ZFYVE26: variants seen among roughly 807,000 people sequenced by gnomAD.
ZFYVE26 encodes zinc finger FYVE domain-containing protein 26.
ZFYVE26 carries 181 observed loss-of-function variants against 276.5 expected under a neutral mutation model. That is an observed-to-expected ratio of 0.65 (90% CI 0.58 to 0.74). ZFYVE26 has a LOEUF of 0.74. Among genes scored for constraint, ZFYVE26 ranks in the 30% least tolerant of loss-of-function variants. The probability of loss-of-function intolerance (pLI) is 0.00; values close to 1 mark genes in which losing one functional copy is unlikely to be tolerated. For synonymous variants in ZFYVE26, 1,129 were observed against 1,203.1 expected (o/e 0.94, Z 1.27); for missense variants, 2,821 against 3,097.9 (o/e 0.91, Z 2.12).
intron 2 of ZFYVE26, 83 bp downstream of exon 2, chr14:67,815,687 T>TG: frequency 7.4e-7 from 1 of 1,347,664 alleles, no homozygotes; most frequent in South Asian, 1.2e-5. Context: ...GGTAGTTGAG[T>TG]GGGGGCACAT....
At chr14:67,789,033 G>A (rs1287180663) in intron 16 of ZFYVE26, among the ~76,000 whole-genome samples, 1 of 152,206 alleles carries the variant, frequency 6.6e-6, no homozygotes, top group Non-Finnish European at 1.5e-5. Flanking sequence ...TAGGTTAAGT[G>A]AAGTTCACCA....
intron 13 of ZFYVE26, among the ~76,000 whole-genome samples, chr14:67,738,446 G>A (rs1383825162): frequency 6.7e-6 from 1 of 148,866 alleles, no homozygotes; most frequent in Non-Finnish European, 1.5e-5. Flanking sequence ...ATCTCTGTAT[G>A]ATTATATGAT....
At chr14:67,773,571 A>ACACACACACC (rs752443262) in intron 27 of ZFYVE26, among the ~76,000 whole-genome samples, 32 of 146,694 alleles carry the variant, frequency 2.2e-4, no homozygotes, top group South Asian at 8.8e-4. Context: ...ACACACACAC[A>ACACACACACC]CCCCAAAGCT....
Position 67,775,969 on chromosome 14 carries a change from CA to C in ZFYVE26, c.5111del (p.Leu1704ArgfsTer40), listed in dbSNP as rs2140212384. 8 of 1,614,224 alleles carry C rather than the reference CA, an allele frequency of 5.0e-6. No homozygotes were observed. The highest frequency in any genetic ancestry group is 6.8e-6 in the Non-Finnish European group (8 of 1,180,046). On this transcript the variant is annotated frameshift_variant, in exon 26 of 42. Coordinates refer to ENST00000347230, the MANE Select transcript of ZFYVE26 (RefSeq NM_015346.4). LOFTEE classifies it high-confidence loss of function. ...ATVAVQTLQQ[L>X]LVGQEIGFTM... ...TGAAGCCAATCTCCTGTCCAACCAGCAGCTGCTGGAGAGTCTGCACAGCCAC... is the reference window on the plus strand; with the variant it reads ...TGAAGCCAATCTCCTGTCCAACCAGCGCTGCTGGAGAGTCTGCACAGCCAC...
intron 13 of ZFYVE26, among the ~76,000 whole-genome samples, chr14:67,737,088 C>CT (rs71129855): frequency 0.12 from 12,958 of 104,610 alleles, 966 homozygotes; most frequent in East Asian, 0.34. Flanking sequence ...TTTTTCTTTT[C>CT]TTTTTTTTTT....
chr14:67,804,809 C>T (rs888759487), intron 8 of ZFYVE26, among the ~76,000 whole-genome samples: 2 of 152,158 alleles, frequency 1.3e-5, no homozygotes, highest in Non-Finnish European at 2.9e-5. Context: ...AGCTGTGTGA[C>T]TTTGGACAAG....
rs2038947822 is a variant in ZFYVE26, at chr14:67,762,146, A to T, written c.6369+57T>A. 9 of 1,555,640 alleles carry T rather than the reference A, an allele frequency of 5.8e-6. 1 individual carries two copies. The South Asian group carries it at 8.9e-5, about 15-fold the overall frequency. Reference sequence around the variant, plus strand: ...TTTCCACTGATTCTTTTCCCAGGTCATTGCTATTCCTGGGTCTCCCTCCCT... The same window carrying T: ...TTTCCACTGATTCTTTTCCCAGGTCTTTGCTATTCCTGGGTCTCCCTCCCT... On this transcript the variant is annotated intron_variant, in intron 34 of 41. Coordinates refer to ENST00000347230, the MANE Select transcript of ZFYVE26 (RefSeq NM_015346.4).
chr14:67,799,573 A>AG (rs2140244655), intron 10 of ZFYVE26: 1 of 1,514,930 alleles, frequency 6.6e-7, no homozygotes, highest in African/African-American at 1.4e-5. Context: ...CCAAAGGAGG[A>AG]GGGAAAAAAT....
intron 27 of ZFYVE26, among the ~76,000 whole-genome samples, chr14:67,772,697 G>A (rs1316178983): frequency 1.3e-5 from 2 of 152,232 alleles, no homozygotes; most frequent in Admixed American, 6.5e-5. Context: ...CACTTTGGGA[G>A]GGTGAGGCAG....
At chr14:67,810,035 C>T (rs542089466) in intron 3 of ZFYVE26, among the ~76,000 whole-genome samples, 78 of 152,198 alleles carry the variant, frequency 5.1e-4, no homozygotes, top group Admixed American at 5.0e-3. Context: ...CCGCCTGCCT[C>T]GGCCTTCCAA....
intron 13 of ZFYVE26, among the ~76,000 whole-genome samples, chr14:67,731,546 C>T (rs1357530416): frequency 2.6e-5 from 4 of 151,892 alleles, no homozygotes; most frequent in Non-Finnish European, 4.4e-5. Flanking sequence ...ACAGTTGCTA[C>T]TCTAGAGTCT....
intron 13 of ZFYVE26, among the ~76,000 whole-genome samples, chr14:67,732,429 CAA>C (rs11310522): frequency 4.4e-3 from 559 of 126,428 alleles, no homozygotes; most frequent in Middle Eastern, 0.019. Context: ...GACCCTATCT[CAA>C]AAAAAAAAAA....
At chr14:67,745,888 C>T (rs1348069376), downstream of ZFYVE26, among the ~76,000 whole-genome samples, 3 of 109,866 alleles carry the variant, frequency 2.7e-5, no homozygotes, top group South Asian at 2.8e-4. Context: ...ATTAGCCAGG[C>T]GACTGCACTC....
intron 39 of ZFYVE26, 107 bp downstream of exon 39, chr14:67,753,600 G>A (rs1221293608): frequency 2.4e-6 from 3 of 1,242,824 alleles, no homozygotes; most frequent in African/African-American, 1.5e-5. Context: ...TAATGTGCAT[G>A]TAAATCCACT....
At chr14:67,803,083 T>C (rs77533367) in intron 9 of ZFYVE26, among the ~76,000 whole-genome samples, 4 of 152,306 alleles carry the variant, frequency 2.6e-5, no homozygotes, top group African/African-American at 4.8e-5. Flanking sequence ...ATATGGGGTA[T>C]AGTGATAAGT....
chr14:67,750,961 A>G lies in ZFYVE26; in HGVS notation c.7416+91T>C, dbSNP rs772589391. 215 of 1,482,818 alleles carry G rather than the reference A, an allele frequency of 1.4e-4. 1 individual carries two copies. Among genetic ancestry groups the G allele is most frequent in the Non-Finnish European group, 1.9e-4 (205 of 1,061,174 alleles). 91.9% of individuals were successfully genotyped at this position (1,482,818 alleles called of 1,614,324 possible). ...GAAGCTGAGATACGGGTTGTATGGAACTATTGTGGGGAGCAAGGGATAAAG... is the reference window on the plus strand; with the variant it reads ...GAAGCTGAGATACGGGTTGTATGGAGCTATTGTGGGGAGCAAGGGATAAAG... On this transcript the variant is annotated intron_variant, in intron 41 of 41. Transcript: ENST00000347230.
intron 41 of ZFYVE26, among the ~76,000 whole-genome samples, chr14:67,749,793 C>T (rs1383546381): frequency 6.6e-6 from 1 of 152,210 alleles, no homozygotes; most frequent in East Asian, 1.9e-4. Context: ...TCTCCCCAGG[C>T]CTTCAGCTCC....
chr14:67,797,886 T>TG, intron 11 of ZFYVE26, 128 bp downstream of exon 11: 1 of 1,582,122 alleles, frequency 6.3e-7, no homozygotes, highest in Non-Finnish European at 8.6e-7. Flanking sequence ...GTTCTGACAC[T>TG]GGTTGCCATG....
intron 37 of ZFYVE26, 141 bp from the exon 38 acceptor site, chr14:67,754,353 T>A: frequency 8.7e-7 from 1 of 1,154,340 alleles, no homozygotes; most frequent in East Asian, 2.4e-5. Flanking sequence ...AAGTACCTTG[T>A]GAGCAGTTAT....
Sources: allele counts gnomAD v4.1 joint callset (sites outside exome capture counted in the v4.1 genomes callset), GRCh38; gene constraint gnomAD v4.1.1; transcripts MANE v1.5; gene names NCBI Gene and HGNC (gene_info 2026-07-23, HGNC 2026-07-21).